The following RGL1 variants were observed in gnomAD, a reference collection of about 807,000 sequenced individuals.
RGL1 encodes the protein ral guanine nucleotide dissociation stimulator-like 1.
Under a neutral mutation model 95.2 loss-of-function variants are expected in RGL1, and 24 were observed. The observed-to-expected ratio is 0.25, with a 90% CI of 0.18 to 0.35. RGL1 has a LOEUF of 0.35. Among genes scored for constraint, RGL1 ranks in the 10% least tolerant of loss-of-function variants. The probability of loss-of-function intolerance (pLI) is 1.00; values close to 1 mark genes in which losing one functional copy is unlikely to be tolerated. For synonymous variants in RGL1, 329 were observed against 344.9 expected (o/e 0.95, Z 0.51); for missense variants, 715 against 936.3 (o/e 0.76, Z 3.08).
intron 2 of RGL1, among the ~76,000 whole-genome samples, chr1:183,824,581 A>G (rs985304666): frequency 1.1e-4 from 16 of 152,226 alleles, no homozygotes; most frequent in Non-Finnish European, 1.9e-4. Flanking sequence ...AGAATAGCTG[A>G]AAAAAGTCCT....
rs796271011 is a variant in RGL1, at chr1:183,805,201, G to C, written c.-97G>C. 3.8e-5 allele frequency: 59 copies of C among 1,533,834 alleles called. No individual in the cohort carries two copies. Among genetic ancestry groups the C allele is most frequent in the African/African-American group, 1.2e-4 (9 of 72,330 alleles). On this transcript the variant is annotated 5_prime_UTR_variant, in exon 1 of 18. Transcript: ENST00000360851. ...GCTGCGGTCGCTCGGGACCGGGACC[G>C]GGGCGAGGCGCCGCGGGGCTGAGCC... is the stretch of plus-strand genomic sequence containing the variant.
At chr1:183,849,429 A>G (rs1273979313) in intron 3 of RGL1, among the ~76,000 whole-genome samples, 2 of 147,254 alleles carry the variant, frequency 1.4e-5, no homozygotes, top group African/African-American at 2.5e-5. Flanking sequence ...GCTTTATAAT[A>G]TTTATTGAAT....
chr1:183,643,057 A>G lies in RGL1; in HGVS notation c.-33+6556A>G, dbSNP rs181125177. On this transcript the variant is annotated intron_variant, in intron 1 of 18. Transcript: ENST00000304685. The stretch of plus-strand genomic sequence containing the variant: ...TGACTGGTTTATTTAACTTGGCATA[A>G]TGTCCTCAGGGTTCATCCATGCTGT... 2.4e-4 allele frequency among the ~76,000 whole-genome samples: 37 copies of G among 152,288 alleles called. No individual in the cohort carries two copies. In the East Asian group the frequency reaches 7.1e-3, roughly 29 times the overall value.
chr1:183,664,393 G>A (rs1054032399), intron 1 of RGL1, among the ~76,000 whole-genome samples: 8 of 151,878 alleles, frequency 5.3e-5, no homozygotes, highest in African/African-American at 2.4e-5. Flanking sequence ...TACTGAGTAC[G>A]TGCTCTGTGG....
intron 2 of RGL1, among the ~76,000 whole-genome samples, chr1:183,789,345 G>A (rs1391809998): frequency 6.6e-6 from 1 of 152,236 alleles, no homozygotes; most frequent in Non-Finnish European, 1.5e-5. Flanking sequence ...AGCTACTTGG[G>A]AGGCTAAGGC....
intron 2 of RGL1, among the ~76,000 whole-genome samples, chr1:183,765,538 A>G (rs1158171685): frequency 1.3e-5 from 2 of 152,250 alleles, no homozygotes; most frequent in South Asian, 2.1e-4. Context: ...AATTATTTCA[A>G]TCCTCCTGTA....
At chr1:183,725,714 T>C (rs982569019) in intron 1 of RGL1, among the ~76,000 whole-genome samples, 1 of 152,110 alleles carries the variant, frequency 6.6e-6, no homozygotes, top group Non-Finnish European at 1.5e-5. Context: ...AAGATAAATC[T>C]ACAATTATAA....
At chr1:183,761,296 T>G (rs1658653773) in intron 2 of RGL1, among the ~76,000 whole-genome samples, 2 of 152,218 alleles carry the variant, frequency 1.3e-5, no homozygotes, top group Admixed American at 1.3e-4. Context: ...AAAATTACTC[T>G]CTGACCTATG....
chr1:183,772,818 G>C (rs961753484), intron 2 of RGL1, among the ~76,000 whole-genome samples: 1 of 151,152 alleles, frequency 6.6e-6, no homozygotes, highest in Admixed American at 6.6e-5. Flanking sequence ...GACCATCCTG[G>C]CTAACAAGGT....
chr1:183,668,863 C>T (rs545983349), intron 1 of RGL1, among the ~76,000 whole-genome samples: 2 of 151,868 alleles, frequency 1.3e-5, no homozygotes, highest in Non-Finnish European at 2.9e-5. Flanking sequence ...TAGTTGTCCC[C>T]CAGCTTTTGG....
At chr1:183,885,949 GTTTT>G (rs914052100) in intron 7 of RGL1, among the ~76,000 whole-genome samples, 1 of 147,088 alleles carries the variant, frequency 6.8e-6, no homozygotes, top group Non-Finnish European at 1.5e-5. Flanking sequence ...GATTAGAGAG[GTTTT>G]TTTTTTTCTA....
chr1:183,661,561 A>C (rs201218284), intron 1 of RGL1, among the ~76,000 whole-genome samples: 4 of 150,262 alleles, frequency 2.7e-5, no homozygotes, highest in Non-Finnish European at 3.0e-5. Context: ...TTGTGGCAAT[A>C]ATCAATAGCT....
chr1:183,645,174 A>G (rs1339561160), intron 1 of RGL1, among the ~76,000 whole-genome samples: 1 of 152,246 alleles, frequency 6.6e-6, no homozygotes, highest in African/African-American at 2.4e-5. Flanking sequence ...TGGAGAGGCT[A>G]TGTAACCTGG....
At position 183,790,233 on chromosome 1, in the gene RGL1, C is replaced by T. The variant is rs965806613; in HGVS notation, c.133-16142C>T. On this transcript the variant is annotated intron_variant, in intron 2 of 18. Transcript: ENST00000304685. ...TGAGCCACTGTGCCTGGGCTCCAGG[C>T]TTTTTCTATCTTGATGCTCCAATAT... Among the ~76,000 whole-genome samples, 4 of 152,008 alleles carry T rather than the reference C, an allele frequency of 2.6e-5. No homozygotes were observed. The South Asian group carries it at 8.3e-4, about 32-fold the overall frequency.
At chr1:183,890,913 T>C (rs889975455) in intron 8 of RGL1, among the ~76,000 whole-genome samples, 6 of 150,976 alleles carry the variant, frequency 4.0e-5, no homozygotes, top group Non-Finnish European at 1.5e-5. Context: ...CACAACTCTG[T>C]GAATATACTA....
intron 1 of RGL1, among the ~76,000 whole-genome samples, chr1:183,678,491 G>A (rs544775204): frequency 6.6e-6 from 1 of 152,248 alleles, no homozygotes; most frequent in South Asian, 2.1e-4. Context: ...AATGGAATAT[G>A]TGAATGAATT....
chr1:183,652,318 G>A (rs779790365), intron 1 of RGL1, among the ~76,000 whole-genome samples: 1 of 152,184 alleles, frequency 6.6e-6, no homozygotes, highest in Non-Finnish European at 1.5e-5. Context: ...CTGTCTTTAA[G>A]GAGATGGAGA....
At chr1:183,846,586 A>G (rs908587618) in intron 2 of RGL1, among the ~76,000 whole-genome samples, 8 of 152,162 alleles carry the variant, frequency 5.3e-5, no homozygotes, top group African/African-American at 1.9e-4. Flanking sequence ...AACAACAAAA[A>G]AGAATGAGTT....
At chr1:183,773,532 C>G (rs1053091815) in intron 2 of RGL1, among the ~76,000 whole-genome samples, 7 of 152,060 alleles carry the variant, frequency 4.6e-5, no homozygotes, top group Non-Finnish European at 7.4e-5. Flanking sequence ...AAGAGCAGAC[C>G]CAAGGCTCAG....
Sources: allele counts gnomAD v4.1 joint callset (sites outside exome capture counted in the v4.1 genomes callset), GRCh38; gene constraint gnomAD v4.1.1; transcripts MANE v1.5; gene names NCBI Gene and HGNC (gene_info 2026-07-23, HGNC 2026-07-21).